MYZAP: variants seen among roughly 807,000 people sequenced by gnomAD.
The protein encoded by MYZAP is myocardial zonula adherens protein.
A neutral mutation model predicts 69.4 loss-of-function variants in MYZAP; 66 were observed. The observed-to-expected ratio is 0.95, with a 90% CI of 0.78 to 1.17. The LOEUF is 1.17. MYZAP is among the 50% of genes most tolerant of loss of function. MYZAP has a pLI of 0.00. For synonymous variants in MYZAP, 256 were observed against 205.9 expected (o/e 1.24, Z -2.09); for missense variants, 611 against 556.2 (o/e 1.10, Z -0.99).
chr15:57,657,602 C>T (rs1274408637), intron 10 of MYZAP, among the ~76,000 whole-genome samples: 2 of 151,864 alleles, frequency 1.3e-5, no homozygotes, highest in African/African-American at 2.4e-5. Context: ...AATTTATTAC[C>T]CTTTCCTTTA....
At chr15:57,614,447 G>T (rs1344043531) in intron 2 of MYZAP, among the ~76,000 whole-genome samples, 3 of 152,222 alleles carry the variant, frequency 2.0e-5, no homozygotes, top group Non-Finnish European at 4.4e-5. Flanking sequence ...GAACCGAGAA[G>T]ACCTCAGGGG....
At chr15:57,639,302 C>G (rs1404379465) in intron 9 of MYZAP, 138 bp from the exon 10 acceptor site, 4 of 892,064 alleles carry the variant, frequency 4.5e-6, no homozygotes, top group East Asian at 2.7e-5. Flanking sequence ...CTGCCTTGGC[C>G]TCTTGAAGTG....
At chr15:57,602,966 G>A (rs2034511933) in intron 1 of MYZAP, among the ~76,000 whole-genome samples, 1 of 152,182 alleles carries the variant, frequency 6.6e-6, no homozygotes, top group Admixed American at 6.5e-5. Context: ...GTAGGAAAAT[G>A]ACTTTGCCCC....
At chr15:57,598,028 G>A (rs1159095789) in intron 1 of MYZAP, among the ~76,000 whole-genome samples, 1 of 152,142 alleles carries the variant, frequency 6.6e-6, no homozygotes, top group African/African-American at 2.4e-5. Context: ...ATTTCCTTAG[G>A]GAAATCCATC....
At chr15:57,655,000 C>T (rs569794899) in intron 10 of MYZAP, among the ~76,000 whole-genome samples, 2 of 152,136 alleles carry the variant, frequency 1.3e-5, no homozygotes, top group African/African-American at 4.8e-5. Flanking sequence ...AATTGATGCA[C>T]TAAACACTTG....
intron 12 of MYZAP, among the ~76,000 whole-genome samples, chr15:57,677,001 G>T (rs1188160292): frequency 6.6e-6 from 1 of 152,198 alleles, no homozygotes; most frequent in Non-Finnish European, 1.5e-5. Flanking sequence ...TTCCGAAAAG[G>T]CAGAATAATA....
At chr15:57,614,103 G>A (rs1345613214) in intron 2 of MYZAP, among the ~76,000 whole-genome samples, 5 of 152,118 alleles carry the variant, frequency 3.3e-5, no homozygotes. Flanking sequence ...TGTTGTGACC[G>A]GGGTAAACAT....
chr15:57,639,523 A>C lies in MYZAP; in HGVS notation c.1097A>C (p.Lys366Thr). The C allele has an allele frequency of 6.2e-7, 1 of 1,613,982 alleles. No homozygotes were observed. The change falls in exon 10 of 13, where the codon AAA (lysine) becomes ACA (threonine). Residue 366 changes from lysine (K) to threonine (T), a missense_variant. Lys to Thr is a moderately conservative substitution (Grantham distance 78, BLOSUM62 -1). Transcript: ENST00000267853. The part of the protein sequence containing the change: ...LDDMVHCQQK[K>T]VKQMVEEIES... ...GACATGGTGCATTGCCAGCAGAAGAAAGTCAAGCAGATGGTCGAGGAGGTA... is the reference window on the plus strand; with the variant it reads ...GACATGGTGCATTGCCAGCAGAAGACAGTCAAGCAGATGGTCGAGGAGGTA...
intron 5 of MYZAP, among the ~76,000 whole-genome samples, chr15:57,628,148 C>G (rs957231293): frequency 2.0e-5 from 3 of 152,188 alleles, no homozygotes; most frequent in Admixed American, 2.0e-4. Flanking sequence ...TTGTAGATGA[C>G]TGGGGACACA....
chr15:57,632,413 C>G, intron 6 of MYZAP, 21 bp from the exon 7 acceptor site: 1 of 1,613,878 alleles, frequency 6.2e-7, no homozygotes, highest in South Asian at 1.1e-5. Flanking sequence ...AGCTGTCGTT[C>G]TGAAATGAGT....
intron 10 of MYZAP, chr15:57,646,422 G>T: frequency 9.3e-7 from 1 of 1,070,556 alleles, no homozygotes; most frequent in Non-Finnish European, 1.1e-6. Context: ...AGAGTCAAGA[G>T]AACTCACAGA....
chr15:57,629,596 A>T (rs1381185755), intron 5 of MYZAP, 106 bp from the exon 6 acceptor site: 33 of 1,447,616 alleles, frequency 2.3e-5, no homozygotes, highest in Non-Finnish European at 2.9e-5. Flanking sequence ...GTAGCCTAGG[A>T]CAGCTACCCC....
chr15:57,609,162 C>T (rs2034950139), intron 2 of MYZAP, among the ~76,000 whole-genome samples: 1 of 152,210 alleles, frequency 6.6e-6, no homozygotes, highest in Admixed American at 6.5e-5. Flanking sequence ...TCTTTTTATT[C>T]TCTCTTCCCA....
At chr15:57,655,511 C>G (rs185300267) in intron 10 of MYZAP, among the ~76,000 whole-genome samples, 1 of 152,080 alleles carries the variant, frequency 6.6e-6, no homozygotes, top group Non-Finnish European at 1.5e-5. Context: ...TAAAAGCTCC[C>G]TCCATGGGTT....
chr15:57,615,802 C>T (rs2035401171), intron 2 of MYZAP, among the ~76,000 whole-genome samples: 1 of 152,136 alleles, frequency 6.6e-6, no homozygotes, highest in South Asian at 2.1e-4. Flanking sequence ...CTTTGGGGCC[C>T]AGCTGTAAGG....
Position 57,593,188 on chromosome 15 carries a change from G to GCATGCGCGCGCGCGCGCGCACACACA in MYZAP, c.75+1081_75+1082insTGCGCGCGCGCGCGCGCACACACACA. 1.4e-3 allele frequency among the ~76,000 whole-genome samples: 162 copies of GCATGCGCGCGCGCGCGCGCACACACA among 114,198 alleles called. 1 individual carries two copies. The Middle Eastern group carries it at 0.037, about 26-fold the overall frequency. The allele number at this position is 114,198 out of a possible 152,430, so 74.9% of individuals were successfully genotyped here. On this transcript the variant is annotated intron_variant, in intron 1 of 12. Coordinates refer to ENST00000267853, the MANE Select transcript of MYZAP (RefSeq NM_001018100.5). ...AGACACTTAGGTTGTGTACACAGGC[G>GCATGCGCGCGCGCGCGCGCACACACA]CACACACACACACACACACACACAC...
At chr15:57,683,666 G>T (rs1595952999) in intron 12 of MYZAP, among the ~76,000 whole-genome samples, 1 of 152,164 alleles carries the variant, frequency 6.6e-6, no homozygotes, top group Admixed American at 6.5e-5. Flanking sequence ...AGTTCTGAAG[G>T]CTGGGATGTC....
rs186060877 is a variant in MYZAP, at chr15:57,600,384, A to T, written c.76-3885A>T. Reference sequence around the variant, plus strand: ...GCAACTGCCAAATGTCTTTGAGGTCATATGTTTTATTTTACAAGTTCATTT... The same window carrying T: ...GCAACTGCCAAATGTCTTTGAGGTCTTATGTTTTATTTTACAAGTTCATTT... On this transcript the variant is annotated intron_variant, in intron 1 of 12. Transcript: ENST00000267853. 3.9e-5 allele frequency among the ~76,000 whole-genome samples: 6 copies of T among 152,342 alleles called. No homozygotes were observed. The East Asian group carries it at 1.2e-3, about 29-fold the overall frequency.
chr15:57,611,211 T>C (rs1329976591), intron 2 of MYZAP, among the ~76,000 whole-genome samples: 1 of 152,082 alleles, frequency 6.6e-6, no homozygotes, highest in Non-Finnish European at 1.5e-5. Context: ...ACCCTGAAGC[T>C]CTTTAAAGTA....
Sources: gnomAD v4.1 joint callset for allele counts (sites outside exome capture counted in the v4.1 genomes callset) on GRCh38, gnomAD v4.1.1 for gene constraint, MANE v1.5 for transcripts, NCBI Gene and HGNC (gene_info 2026-07-23, HGNC 2026-07-21) for gene names.